Variants in ASAP1 observed in about 807,000 individuals in gnomAD.
ASAP1 encodes arf-GAP with SH3 domain, ANK repeat and PH domain-containing protein 1.
A neutral mutation model predicts 145.2 loss-of-function variants in ASAP1; 43 were observed. The ratio of observed to expected loss-of-function variants is 0.30; its 90% CI spans 0.23 to 0.38. ASAP1 has a LOEUF of 0.38. Among genes scored for constraint, ASAP1 ranks in the 10% least tolerant of loss-of-function variants. ASAP1 has a pLI of 1.00. For synonymous variants in ASAP1, 546 were observed against 515.5 expected, an observed-to-expected ratio of 1.06 and a Z score of -0.80; for missense variants, 1,018 against 1,355.3, an observed-to-expected ratio of 0.75 and a Z score of 3.91.
At chr8:130,353,980 G>A (rs368156010) in intron 3 of ASAP1, among the ~76,000 whole-genome samples, 23 of 152,050 alleles carry the variant, frequency 1.5e-4, no homozygotes, top group Admixed American at 9.8e-4. Context: ...TCCGTCTCCC[G>A]GGTTCATGCC....
chr8:130,116,571 T>C, intron 22 of ASAP1, 107 bp downstream of exon 22: 1 of 985,250 alleles, frequency 1.0e-6, no homozygotes, highest in Non-Finnish European at 1.6e-6. Context: ...TTAGCAAGTG[T>C]TAAAAAAAAA....
intron 3 of ASAP1, among the ~76,000 whole-genome samples, chr8:130,259,102 T>C (rs972053215): frequency 2.6e-5 from 4 of 152,130 alleles, no homozygotes; most frequent in African/African-American, 9.7e-5. Context: ...GTTCACAAAA[T>C]TCATGACCTG....
chr8:130,151,437 T>A (rs1266246310), intron 13 of ASAP1, among the ~76,000 whole-genome samples: 1 of 136,330 alleles, frequency 7.3e-6, no homozygotes, highest in African/African-American at 2.8e-5. Context: ...GAATAACTGT[T>A]AGACAGCCTC....
intron 24 of ASAP1, among the ~76,000 whole-genome samples, chr8:130,096,727 C>T (rs920245854): frequency 1.3e-5 from 2 of 152,088 alleles, no homozygotes; most frequent in Non-Finnish European, 2.9e-5. Flanking sequence ...GTGTTTTCCA[C>T]GAGAAAGCAT....
chr8:130,159,550 A>G (rs916021568), intron 12 of ASAP1, among the ~76,000 whole-genome samples: 16 of 125,974 alleles, frequency 1.3e-4, no homozygotes, highest in East Asian at 9.3e-4. Context: ...TGAACTCAGG[A>G]AAAAAAAAAA....
At chr8:130,256,303 T>C (rs1349212923) in intron 3 of ASAP1, among the ~76,000 whole-genome samples, 1 of 151,674 alleles carries the variant, frequency 6.6e-6, no homozygotes, top group African/African-American at 2.4e-5. Flanking sequence ...TGAGTACTTT[T>C]GTAAAGCAAA....
intron 2 of ASAP1, 37 bp downstream of exon 2, chr8:130,401,848 C>T (rs562267827): frequency 6.5e-5 from 103 of 1,594,878 alleles, no homozygotes; most frequent in Non-Finnish European, 7.4e-5. Flanking sequence ...TCTCCCACGC[C>T]GAGTTTTCTG....
intron 3 of ASAP1, among the ~76,000 whole-genome samples, chr8:130,257,595 TGCCCAACTA>T (rs1339308890): frequency 2.0e-5 from 3 of 152,178 alleles, no homozygotes; most frequent in Non-Finnish European, 2.9e-5. Context: ...TCAAAATCTG[TGCCCAACTA>T]GCCCAATTAA....
intron 13 of ASAP1, among the ~76,000 whole-genome samples, chr8:130,150,658 C>T (rs1223862729): frequency 2.6e-5 from 4 of 152,222 alleles, no homozygotes; most frequent in East Asian, 3.9e-4. Flanking sequence ...GCGGGTGGAT[C>T]ACTTAAGCTC....
chr8:130,179,779 C>T (rs1425801630), intron 8 of ASAP1, among the ~76,000 whole-genome samples: 1 of 152,018 alleles, frequency 6.6e-6, no homozygotes, highest in Non-Finnish European at 1.5e-5. Context: ...ATTTTTACTA[C>T]TCAAAAATTA....
At chr8:130,360,084 A>G (rs1170710337) in intron 2 of ASAP1, among the ~76,000 whole-genome samples, 1 of 152,236 alleles carries the variant, frequency 6.6e-6, no homozygotes, top group Non-Finnish European at 1.5e-5. Context: ...AATATTTACT[A>G]AGCACTATGT....
At chr8:130,429,733 A>G (rs1565309783) in intron 1 of ASAP1, among the ~76,000 whole-genome samples, 1 of 152,268 alleles carries the variant, frequency 6.6e-6, no homozygotes, top group East Asian at 1.9e-4. Flanking sequence ...CCAACTTTCA[A>G]CTTGTTCCAG....
At chr8:130,072,091 C>T (rs1308497021) in intron 27 of ASAP1, among the ~76,000 whole-genome samples, 1 of 152,150 alleles carries the variant, frequency 6.6e-6, no homozygotes, top group Non-Finnish European at 1.5e-5. Context: ...AGGGTCCTAC[C>T]CTATACCCTG....
At chr8:130,182,438 T>C (rs1814419290) in intron 7 of ASAP1, among the ~76,000 whole-genome samples, 1 of 152,142 alleles carries the variant, frequency 6.6e-6, no homozygotes, top group South Asian at 2.1e-4. Flanking sequence ...AATGCCACCA[T>C]ATGTGATTAC....
At chr8:130,129,596 G>A (rs2097580198) in intron 15 of ASAP1, among the ~76,000 whole-genome samples, 1 of 152,172 alleles carries the variant, frequency 6.6e-6, no homozygotes, top group Non-Finnish European at 1.5e-5. Context: ...GTTCAGAACT[G>A]AGTCTCTCAT....
At chr8:130,206,454 T>TA (rs1036084390) in intron 5 of ASAP1, among the ~76,000 whole-genome samples, 3,251 of 141,254 alleles carry the variant, frequency 0.023, 105 homozygotes, top group African/African-American at 0.075. Flanking sequence ...AGAAGAAAAA[T>TA]AAAAAAAAAA....
intron 2 of ASAP1, among the ~76,000 whole-genome samples, chr8:130,383,828 TAA>T (rs1324976241): frequency 6.6e-6 from 1 of 152,166 alleles, no homozygotes; most frequent in African/African-American, 2.4e-5. Flanking sequence ...CACTTGACAC[TAA>T]AAGACACCTA....
chr8:130,079,524 A>G (rs187897615), intron 26 of ASAP1, among the ~76,000 whole-genome samples: 14 of 152,348 alleles, frequency 9.2e-5, no homozygotes, highest in Admixed American at 2.6e-4. Context: ...TTTCATTTCC[A>G]AATCTGCAAA....
intron 1 of ASAP1, among the ~76,000 whole-genome samples, chr8:130,417,412 G>A (rs780489160): frequency 6.6e-6 from 1 of 152,208 alleles, no homozygotes; most frequent in Non-Finnish European, 1.5e-5. Flanking sequence ...GTGCTGGGTC[G>A]GGACATTCCA....
Sources: gnomAD v4.1 joint callset for allele counts (sites outside exome capture counted in the v4.1 genomes callset) on GRCh38, gnomAD v4.1.1 for gene constraint, MANE v1.5 for transcripts, NCBI Gene and HGNC (gene_info 2026-07-23, HGNC 2026-07-21) for gene names.